DNM3: variants seen among roughly 807,000 people sequenced by gnomAD.
DNM3 encodes dynamin 3.
Under a neutral mutation model 101.6 loss-of-function variants are expected in DNM3, and 47 were observed. That is an observed-to-expected ratio of 0.46 (90% confidence interval 0.37 to 0.59). The LOEUF is 0.59. Among genes scored for constraint, DNM3 ranks in the 20% least tolerant of loss-of-function variants. The probability of loss-of-function intolerance (pLI) is 0.00; values close to 1 mark genes in which losing one functional copy is unlikely to be tolerated. For synonymous variants in DNM3, 385 were observed against 387.9 expected (o/e 0.99, Z 0.09); for missense variants, 849 against 1,085.7 (o/e 0.78, Z 3.06).
At chr1:171,992,947 A>G (rs2045735064) in intron 4 of DNM3, among the ~76,000 whole-genome samples, 1 of 152,008 alleles carries the variant, frequency 6.6e-6, no homozygotes, top group Admixed American at 6.6e-5. Flanking sequence ...AGTTTGGATC[A>G]ATACCAACTT....
intron 14 of DNM3, among the ~76,000 whole-genome samples, chr1:172,187,096 TTA>T (rs1457301863): frequency 6.6e-6 from 1 of 152,084 alleles, no homozygotes; most frequent in African/African-American, 2.4e-5. Flanking sequence ...CCTCACAACT[TTA>T]TGTCATTACT....
chr1:172,164,340 A>G (rs1446798234), intron 14 of DNM3, among the ~76,000 whole-genome samples: 2 of 149,698 alleles, frequency 1.3e-5, no homozygotes, highest in Non-Finnish European at 3.0e-5. Context: ...ATTACTTAGT[A>G]TTACAGCCAG....
intron 15 of DNM3, among the ~76,000 whole-genome samples, chr1:172,300,096 G>A (rs897839507): frequency 1.3e-5 from 2 of 151,982 alleles, no homozygotes; most frequent in Non-Finnish European, 1.5e-5. Flanking sequence ...GTGTGAGATG[G>A]TGCCTCATCA....
At chr1:172,292,601 T>TCACACA (rs3079013) in intron 15 of DNM3, among the ~76,000 whole-genome samples, 1,494 of 148,658 alleles carry the variant, frequency 0.01, 25 homozygotes, top group East Asian at 0.073. Context: ...ATAGAAGACT[T>TCACACA]CACACACACA....
intron 14 of DNM3, among the ~76,000 whole-genome samples, chr1:172,226,947 GT>G (rs898986612): frequency 9.9e-5 from 15 of 151,664 alleles, no homozygotes; most frequent in African/African-American, 3.6e-4. Context: ...AGGTACAAGT[GT>G]TTTTTGGTCA....
chr1:172,376,098 T>C (rs1166912956), intron 17 of DNM3: 2 of 152,106 alleles, frequency 1.3e-5, no homozygotes, highest in Non-Finnish European at 2.9e-5. Context: ...TCGGAGAAAG[T>C]AAGTTATGGT....
intron 16 of DNM3, among the ~76,000 whole-genome samples, chr1:172,322,111 G>T (rs1203383547): frequency 1.3e-5 from 2 of 152,058 alleles, no homozygotes; most frequent in Non-Finnish European, 2.9e-5. Flanking sequence ...CATTTCCCTA[G>T]AGTCACGAAT....
intron 1 of DNM3, among the ~76,000 whole-genome samples, chr1:171,852,903 G>A (rs1322749691): frequency 7.9e-5 from 12 of 152,000 alleles, no homozygotes; most frequent in Non-Finnish European, 2.9e-5. Flanking sequence ...TTGTTTGTTT[G>A]TTTGTTTTAA....
intron 13 of DNM3, among the ~76,000 whole-genome samples, chr1:172,104,492 G>A (rs939443341): frequency 4.6e-5 from 7 of 151,908 alleles, no homozygotes; most frequent in Non-Finnish European, 7.4e-5. Context: ...TCATGCTGGT[G>A]TTTATATTCT....
chr1:172,236,368 A>G (rs1237172489), intron 14 of DNM3, among the ~76,000 whole-genome samples: 3 of 152,156 alleles, frequency 2.0e-5, no homozygotes, highest in Non-Finnish European at 2.9e-5. Context: ...AGACTTTTTC[A>G]TGGAGAGAAA....
chr1:172,197,076 A>G (rs1276951937), intron 14 of DNM3, among the ~76,000 whole-genome samples: 1 of 151,950 alleles, frequency 6.6e-6, no homozygotes, highest in South Asian at 2.1e-4. Context: ...CCTTGAGTTG[A>G]TTTTTGTATA....
intron 14 of DNM3, among the ~76,000 whole-genome samples, chr1:172,246,149 C>T (rs1050139387): frequency 9.2e-5 from 14 of 152,082 alleles, no homozygotes; most frequent in Admixed American, 4.6e-4. Flanking sequence ...CCCCATGATC[C>T]GATCACTTCT....
At chr1:172,072,264 C>T (rs531615701) in intron 11 of DNM3, among the ~76,000 whole-genome samples, 1 of 152,278 alleles carries the variant, frequency 6.6e-6, no homozygotes, top group African/African-American at 2.4e-5. Context: ...AATGATCACG[C>T]TTCCTAATGT....
chr1:172,266,105 G>A (rs538853795), intron 15 of DNM3, among the ~76,000 whole-genome samples: 107 of 152,098 alleles, frequency 7.0e-4, no homozygotes, highest in Non-Finnish European at 1.3e-3. Context: ...GTGCTCTTTA[G>A]GCATTCTGAA....
intron 1 of DNM3, among the ~76,000 whole-genome samples, chr1:171,852,434 C>T (rs1387669223): frequency 6.6e-6 from 1 of 152,194 alleles, no homozygotes; most frequent in Non-Finnish European, 1.5e-5. Flanking sequence ...TGAGAGTCCA[C>T]AATATGCCAG....
At chr1:172,332,592 A>C (rs1390223482) in intron 17 of DNM3, among the ~76,000 whole-genome samples, 2 of 152,164 alleles carry the variant, frequency 1.3e-5, no homozygotes, top group African/African-American at 4.8e-5. Context: ...TATAGGCATG[A>C]GCCACCATGC....
intron 15 of DNM3, among the ~76,000 whole-genome samples, chr1:172,265,124 T>C (rs184792627): frequency 6.6e-6 from 1 of 152,334 alleles, no homozygotes; most frequent in East Asian, 1.9e-4. Context: ...TGGCTATTTG[T>C]ATGGCAACAT....
chr1:171,918,456 A>T (rs554934391), intron 1 of DNM3, among the ~76,000 whole-genome samples: 1 of 152,148 alleles, frequency 6.6e-6, no homozygotes, highest in African/African-American at 2.4e-5. Context: ...TATGGTTTTC[A>T]TTTTGCTGGA....
chr1:172,200,037 C>T (rs2060097043), intron 14 of DNM3, among the ~76,000 whole-genome samples: 1 of 151,974 alleles, frequency 6.6e-6, no homozygotes, highest in Non-Finnish European at 1.5e-5. Context: ...TTTGTTTTAG[C>T]TGGTAGTGGT....
Sources: gnomAD v4.1 joint callset for allele counts (sites outside exome capture counted in the v4.1 genomes callset) on GRCh38, gnomAD v4.1.1 for gene constraint, MANE v1.5 for transcripts, NCBI Gene and HGNC (gene_info 2026-07-23, HGNC 2026-07-21) for gene names.